The following PHTF1 variants were observed in gnomAD, a reference collection of about 807,000 sequenced individuals.
The protein encoded by PHTF1 is protein PHTF1.
PHTF1 carries 88 observed loss-of-function variants against 102.4 expected under a neutral mutation model. The ratio of observed to expected loss-of-function variants is 0.86; its 90% CI spans 0.72 to 1.03. PHTF1 has a LOEUF of 1.03. Ranked by LOEUF, PHTF1 falls within the 50% of genes least tolerant of loss-of-function variation. The pLI is 0.00. For synonymous variants in PHTF1, 289 were observed against 305.2 expected (o/e 0.95, Z 0.55); for missense variants, 814 against 909.5 (o/e 0.89, Z 1.35).
chr1:113,701,988 G>C (rs1325751663), intron 15 of PHTF1, among the ~76,000 whole-genome samples: 1 of 151,850 alleles, frequency 6.6e-6, no homozygotes, highest in East Asian at 1.9e-4. Flanking sequence ...TAATCCCAGA[G>C]AGAAACACAG....
intron 5 of PHTF1, among the ~76,000 whole-genome samples, chr1:113,731,153 T>C: frequency 6.6e-6 from 1 of 152,134 alleles, no homozygotes; most frequent in Non-Finnish European, 1.5e-5. Context: ...ATGGTTAAGA[T>C]GGTGAATTTC....
chr1:113,731,614 C>T (rs1557946503), intron 5 of PHTF1, among the ~76,000 whole-genome samples: 1 of 152,004 alleles, frequency 6.6e-6, no homozygotes, highest in Non-Finnish European at 1.5e-5. Context: ...CTGATTAAGG[C>T]CAGGCGCTGT....
At chr1:113,706,548 C>A in intron 12 of PHTF1, 46 bp downstream of exon 12, 4 of 1,500,990 alleles carry the variant, frequency 2.7e-6, no homozygotes, top group Admixed American at 2.2e-5. Context: ...AGCTCCTGAT[C>A]ACTTCGTATA....
intron 10 of PHTF1, among the ~76,000 whole-genome samples, chr1:113,710,812 T>TATATATATATA (rs67769017): frequency 8.6e-4 from 51 of 59,432 alleles, no homozygotes; most frequent in African/African-American, 2.3e-3. Flanking sequence ...ATATATATAT[T>TATATATATATA]TTTTTTTTTT....
chr1:113,697,793 A>T, intron 18 of PHTF1, 68 bp from the exon 19 acceptor site: 1 of 1,032,820 alleles, frequency 9.7e-7, no homozygotes, highest in Non-Finnish European at 1.5e-6. Context: ...AGGTACACTT[A>T]CATGACTATA....
chr1:113,732,296 G>C (rs1654777854), intron 5 of PHTF1, among the ~76,000 whole-genome samples: 1 of 152,318 alleles, frequency 6.6e-6, no homozygotes. Flanking sequence ...AGGAGTTCAA[G>C]ACCAGCATGG....
At chr1:113,710,516 T>A in intron 10 of PHTF1, 41 bp from the exon 11 acceptor site, 2 of 1,416,772 alleles carry the variant, frequency 1.4e-6, no homozygotes, top group Non-Finnish European at 9.9e-7. Context: ...TATTCATCTT[T>A]AAAAATAATT....
In PHTF1 at chr1:113,700,861, C is replaced by G; in HGVS notation, c.1979G>C (p.Arg660Pro). The G allele has an allele frequency of 6.2e-7, 1 of 1,611,514 alleles. No homozygotes were observed. The highest frequency in any genetic ancestry group is 8.5e-7 in the Non-Finnish European group (1 of 1,179,176). Residue 660 changes from arginine to proline, a missense_variant, in exon 16 of 19, where the codon CGT becomes CCT. Arg to Pro is a moderately radical substitution (Grantham distance 103, BLOSUM62 -2). Transcript: ENST00000369604. ...WETALLLFLL[R>P]LASLGSETNK... ...GGTTTCAGACCCCAGTGAGGCCAGA[C>G]GCAATAAAAAAAGTAGTAAAGCTGT...
At position 113,759,015 on chromosome 1, in the gene PHTF1, G is replaced by A; in HGVS notation, c.-31+8C>T. ...CGCCTCCTTCGCTCGCCCGCGTCCG[G>A]CTCTCACCTAGTGCCCGTTGCCCCG... On this transcript the variant is annotated splice_region_variant and intron_variant, in intron 1 of 18. Coordinates refer to ENST00000369604, the MANE Select transcript of PHTF1 (RefSeq NM_001323043.2). 9.5e-7 allele frequency: 1 copy of A among 1,054,920 alleles called. No individual in the cohort carries two copies. Among genetic ancestry groups the A allele is most frequent in the Non-Finnish European group, 1.1e-6 (1 of 876,088 alleles). 65.3% of individuals were successfully genotyped at this position (1,054,920 alleles called of 1,614,324 possible). A position where few individuals can be genotyped will look rare whatever the true frequency, so the allele number is the denominator to read the frequency against.
intron 5 of PHTF1, among the ~76,000 whole-genome samples, chr1:113,731,123 A>G (rs1232743920): frequency 6.6e-6 from 1 of 152,180 alleles, no homozygotes; most frequent in African/African-American, 2.4e-5. Context: ...ACTTAATGCC[A>G]CTGAACTCTA....
chr1:113,724,710 A>C, intron 7 of PHTF1, 49 bp downstream of exon 7: 1 of 1,476,024 alleles, frequency 6.8e-7, no homozygotes, highest in Non-Finnish European at 9.2e-7. Context: ...GATACTATAC[A>C]TTCTGTAAAC....
At chr1:113,722,557 T>C (rs2101380098) in intron 7 of PHTF1, among the ~76,000 whole-genome samples, 1 of 152,244 alleles carries the variant, frequency 6.6e-6, no homozygotes, top group East Asian at 1.9e-4. Context: ...ACAGATTCAA[T>C]GCAATCCCTA....
intron 18 of PHTF1, 47 bp from the exon 19 acceptor site, chr1:113,697,772 G>A: frequency 6.9e-7 from 1 of 1,439,246 alleles, no homozygotes; most frequent in Non-Finnish European, 9.8e-7. Flanking sequence ...GGAAAACCAG[G>A]TGGGATTTAT....
intron 8 of PHTF1, among the ~76,000 whole-genome samples, 156 bp from the exon 9 acceptor site, chr1:113,712,269 T>C (rs1651243894): frequency 6.6e-6 from 1 of 152,126 alleles, no homozygotes; most frequent in Non-Finnish European, 1.5e-5. Context: ...TAATCTCAAT[T>C]AAGAAAAATA....
intron 11 of PHTF1, among the ~76,000 whole-genome samples, chr1:113,709,484 A>G (rs1650726735): frequency 6.6e-6 from 1 of 152,240 alleles, no homozygotes; most frequent in South Asian, 2.1e-4. Flanking sequence ...AAGCAACTGA[A>G]AGGTTGATAA....
chr1:113,737,160 A>G (rs1159827734), intron 5 of PHTF1, among the ~76,000 whole-genome samples: 2 of 152,210 alleles, frequency 1.3e-5, no homozygotes, highest in African/African-American at 4.8e-5. Context: ...GACATATTAC[A>G]TGTGAGAGTT....
At chr1:113,712,171 G>A (rs1651227079) in intron 8 of PHTF1, 58 bp from the exon 9 acceptor site, 22 of 1,393,678 alleles carry the variant, frequency 1.6e-5, no homozygotes, top group Non-Finnish European at 2.2e-5. Flanking sequence ...CTAATAAGCT[G>A]CATGTGTAAA....
intron 5 of PHTF1, among the ~76,000 whole-genome samples, chr1:113,729,070 A>G (rs927829109): frequency 6.6e-6 from 1 of 152,236 alleles, no homozygotes; most frequent in African/African-American, 2.4e-5. Context: ...CATATACACA[A>G]TGGAGTACTA....
At position 113,704,671 on chromosome 1, in the gene PHTF1, G is replaced by T; in HGVS notation, c.1798C>A (p.Leu600Ile). 6.3e-7 allele frequency: 1 copy of T among 1,582,238 alleles called. No individual in the cohort carries two copies. The highest frequency in any genetic ancestry group is 8.6e-7 in the Non-Finnish European group (1 of 1,161,910). Residue 600 changes from leucine to isoleucine, a missense_variant, in exon 14 of 19, where the codon CTA (leucine) becomes ATA (isoleucine). Coordinates refer to ENST00000369604, the MANE Select transcript of PHTF1 (RefSeq NM_001323043.2). ...IKIWLSLRSY[L>I]KRRGPQRSVD... Reference sequence around the variant, plus strand: ...GTTAATCAAATAAAACTCACCTTTAGATAGGAACGCAGTGATAACCATATT... The same window carrying T: ...GTTAATCAAATAAAACTCACCTTTATATAGGAACGCAGTGATAACCATATT...
Sources: allele counts gnomAD v4.1 joint callset (sites outside exome capture counted in the v4.1 genomes callset), GRCh38; gene constraint gnomAD v4.1.1; transcripts MANE v1.5; gene names NCBI Gene and HGNC (gene_info 2026-07-23, HGNC 2026-07-21).